The following MCF2L variants were observed in gnomAD, a reference collection of about 807,000 sequenced individuals.
MCF2L encodes MCF.2 cell line derived transforming sequence like, also known as guanine nucleotide exchange factor DBS.
MCF2L carries 97 observed loss-of-function variants against 153.4 expected under a neutral mutation model. That is an observed-to-expected ratio of 0.63 (90% CI 0.54 to 0.75). The LOEUF is 0.75. Ranked by LOEUF, MCF2L falls within the 30% of genes least tolerant of loss-of-function variation. The pLI is 0.00. For synonymous variants in MCF2L, 659 were observed against 632.2 expected, an observed-to-expected ratio of 1.04 and a Z score of -0.64; for missense variants, 1,347 against 1,495.2, an observed-to-expected ratio of 0.90 and a Z score of 1.64.
At chr13:113,012,943 C>T (rs1268097560) in intron 1 of MCF2L, among the ~76,000 whole-genome samples, 4 of 141,098 alleles carry the variant, frequency 2.8e-5, no homozygotes, top group African/African-American at 5.3e-5. Context: ...GCGGTGTGGA[C>T]GGTGGACACT....
chr13:112,914,729 ATGTTTT>A (rs1252886918), intron 2 of MCF2L, among the ~76,000 whole-genome samples: 2 of 151,902 alleles, frequency 1.3e-5, no homozygotes, highest in African/African-American at 4.8e-5. Context: ...CTTCTCATTT[ATGTTTT>A]TATCTTTGTT....
At chr13:113,085,298 G>C (rs907370963) in intron 20 of MCF2L, 120 bp downstream of exon 20, 7 of 780,994 alleles carry the variant, frequency 9.0e-6, no homozygotes, top group East Asian at 2.7e-5. Flanking sequence ...CACCTCTTCC[G>C]AGCCTGTGCT....
chr13:112,985,882 TGACCATGG>T (rs1377960262), intron 1 of MCF2L, among the ~76,000 whole-genome samples: 1 of 152,132 alleles, frequency 6.6e-6, no homozygotes, highest in Admixed American at 6.5e-5. Context: ...CTGGTCCCCT[TGACCATGG>T]GACACCCGGT....
In MCF2L at chr13:113,035,689, C is replaced by T. The variant is rs994476677; in HGVS notation, c.279-9582C>T. On this transcript the variant is annotated intron_variant, in intron 3 of 29. Transcript: ENST00000535094. This position sits in a 1 kb window ranked among gnomAD's most constrained non-coding sequence, Gnocchi z 4.4. ...GAGCTCCTGTGTTATCTGCCCTCCCCGCGAAGCTCCTTGGAGGATGGAGAT... is the reference window on the plus strand; with the variant it reads ...GAGCTCCTGTGTTATCTGCCCTCCCTGCGAAGCTCCTTGGAGGATGGAGAT... 7.2e-5 allele frequency among the ~76,000 whole-genome samples: 11 copies of T among 152,188 alleles called. No individual in the cohort carries two copies. The highest frequency in any genetic ancestry group is 1.9e-4 in the East Asian group (1 of 5,200).
intron 2 of MCF2L, among the ~76,000 whole-genome samples, chr13:112,936,290 A>G (rs1277147351): frequency 2.6e-5 from 4 of 151,060 alleles, no homozygotes; most frequent in African/African-American, 9.7e-5. Context: ...AAAAAAAAAA[A>G]AAAAAAAAAA....
intron 2 of MCF2L, among the ~76,000 whole-genome samples, chr13:112,959,027 C>T (rs909267771): frequency 7.9e-5 from 12 of 152,228 alleles, no homozygotes; most frequent in Non-Finnish European, 1.0e-4. Context: ...CCAGAAACTT[C>T]CGTACGCACA....
intron 3 of MCF2L, chr13:113,043,681 G>A (rs1566788975): frequency 6.6e-6 from 1 of 152,282 alleles, no homozygotes; most frequent in Non-Finnish European, 1.5e-5. Flanking sequence ...AAGTAAATAA[G>A]GAAATATGAA....
chr13:112,903,593 G>C (rs1042816830), intron 2 of MCF2L, among the ~76,000 whole-genome samples: 8 of 152,076 alleles, frequency 5.3e-5, no homozygotes, highest in Admixed American at 1.3e-4. Context: ...AACGCAGGCT[G>C]TTGGTTTAGA....
upstream of MCF2L, chr13:112,968,909 G>C: frequency 1.7e-6 from 1 of 599,850 alleles, no homozygotes; most frequent in Non-Finnish European, 2.6e-6. Context: ...AGGTGACCTT[G>C]GCGGTGACAC....
chr13:113,044,753 C>T (rs761018706), intron 3 of MCF2L: 1 of 1,612,936 alleles, frequency 6.2e-7, no homozygotes, highest in Non-Finnish European at 8.5e-7. Flanking sequence ...GTGCTGCCTC[C>T]TCTCCCGTTT....
intron 3 of MCF2L, chr13:113,044,700 C>T (rs750093462): frequency 2.5e-5 from 40 of 1,612,648 alleles, no homozygotes; most frequent in Middle Eastern, 1.6e-4. Context: ...CGTTATACAA[C>T]GCGCAAGTGT....
At chr13:112,952,433 A>C (rs912506936) in intron 2 of MCF2L, among the ~76,000 whole-genome samples, 2 of 152,168 alleles carry the variant, frequency 1.3e-5, no homozygotes, top group Non-Finnish European at 2.9e-5. Flanking sequence ...GTTTCCTGCC[A>C]ACCACCTCCT....
rs2081815269 is a variant in MCF2L, at chr13:112,960,757, T to C, written c.170-54006T>C. 6.6e-6 allele frequency among the ~76,000 whole-genome samples: 1 copy of C among 152,170 alleles called. No homozygotes were observed. The highest frequency in any genetic ancestry group is 1.5e-5 in the Non-Finnish European group (1 of 68,028). The stretch of plus-strand genomic sequence containing the variant: ...CCTCGCCCTGTCCAGCCCCAGGTGC[T>C]GCCTGCATTCCTGGGCTCATGGCCG... On this transcript the variant is annotated intron_variant, in intron 2 of 29. Coordinates refer to the MCF2L transcript ENST00000375608. This position sits in a 1 kb window ranked among gnomAD's most constrained non-coding sequence, Gnocchi z 4.2.
chr13:112,992,379 C>G (rs1171928237), intron 1 of MCF2L, among the ~76,000 whole-genome samples: 1 of 152,194 alleles, frequency 6.6e-6, no homozygotes, highest in African/African-American at 2.4e-5. Flanking sequence ...AAACCTCGAC[C>G]GTGCTTCCTG....
At chr13:112,946,904 G>A (rs972233267) in intron 2 of MCF2L, among the ~76,000 whole-genome samples, 1 of 152,170 alleles carries the variant, frequency 6.6e-6, no homozygotes, top group Non-Finnish European at 1.5e-5. Flanking sequence ...GGGGGGAGGA[G>A]GAGGCAGAAT....
intron 2 of MCF2L, among the ~76,000 whole-genome samples, chr13:112,964,061 A>G (rs2081863992): frequency 6.8e-6 from 1 of 146,700 alleles, no homozygotes; most frequent in African/African-American, 2.5e-5. Context: ...GCCTGGGAGG[A>G]GACGGCGTCC....
Position 113,094,521 on chromosome 13 carries a change from C to G in MCF2L, c.2961C>G (p.Ser987Arg), listed in dbSNP as rs2035486347. 5 of 1,611,186 alleles carry G rather than the reference C, an allele frequency of 3.1e-6. No individual in the cohort carries two copies. In the East Asian group the frequency reaches 8.9e-5, roughly 29 times the overall value. The change falls in exon 27 of 30, where the codon AGC becomes AGG. Residue 987 changes from serine (S) to arginine (R), a missense_variant. Transcript: ENST00000535094. ...GGTGTCTGTCTCTCTTAGGTTGGAGCAAAACGTCCCACTCACTGGAGGCAC... is the reference window on the plus strand; with the variant it reads ...GGTGTCTGTCTCTCTTAGGTTGGAGGAAAACGTCCCACTCACTGGAGGCAC... The part of the protein sequence containing the change: ...TKPPEKGKGW[S>R]KTSHSLEAPE...
Position 113,046,917 on chromosome 13 carries a change from T to A in MCF2L, c.369+1556T>A, listed in dbSNP as rs1006964086. On this transcript the variant is annotated intron_variant, in intron 4 of 29. Coordinates refer to ENST00000535094, the MANE Select transcript of MCF2L (RefSeq NM_001112732.3). This position sits in a 1 kb window ranked among gnomAD's most constrained non-coding sequence, Gnocchi z 4.4. The stretch of plus-strand genomic sequence containing the variant: ...TTTTGCGTCACTATAAAGACGTACT[T>A]GAGCTGGGTAATTGATAAAGAAAGA... 1 of 230,528 alleles carries A rather than the reference T, an allele frequency of 4.3e-6. No individual in the cohort carries two copies. Among genetic ancestry groups the A allele is most frequent in the African/African-American group, 2.3e-5 (1 of 42,798 alleles). 14.3% of individuals were successfully genotyped at this position (230,528 alleles called of 1,614,324 possible).
At chr13:113,091,271 G>A (rs1302205760) in intron 26 of MCF2L, 35 of 1,228,398 alleles carry the variant, frequency 2.8e-5, no homozygotes, top group Middle Eastern at 2.2e-4. Context: ...TCAGGTGGCC[G>A]TCAAGGCCAC....
Sources: gnomAD v4.1 joint callset for allele counts (sites outside exome capture counted in the v4.1 genomes callset) on GRCh38, gnomAD v4.1.1 for gene constraint, Gnocchi (gnomAD v3.1) non-coding constraint, MANE v1.5 for transcripts, NCBI Gene and HGNC (gene_info 2026-07-23, HGNC 2026-07-21) for gene names.